IFT122: variants seen among roughly 807,000 people sequenced by gnomAD.
IFT122 encodes the protein intraflagellar transport protein 122 homolog.
IFT122 carries 118 observed loss-of-function variants against 161.6 expected under a neutral mutation model. The observed-to-expected ratio is 0.73, with a 90% confidence interval of 0.63 to 0.85. The LOEUF (loss-of-function observed/expected upper bound fraction) is 0.85, where lower values mean the gene tolerates loss of function less well. Ranked by LOEUF, IFT122 falls within the 40% of genes least tolerant of loss-of-function variation. The pLI, the probability that IFT122 is intolerant of heterozygous loss-of-function variation, is 0.00. For missense variants in IFT122, 1,381 were observed against 1,579.6 expected (o/e 0.87, Z 2.13); for synonymous variants, 550 against 602.4 (o/e 0.91, Z 1.27).
At chr3:129,462,397 C>T (rs777392475) in intron 5 of IFT122, among the ~76,000 whole-genome samples, 25 of 152,214 alleles carry the variant, frequency 1.6e-4, no homozygotes, top group Admixed American at 1.5e-3. Flanking sequence ...AGCTTTATGA[C>T]AGCCCCTGAG....
intron 16 of IFT122, among the ~76,000 whole-genome samples, chr3:129,489,463 G>C (rs1458477192): frequency 6.6e-6 from 1 of 152,186 alleles, no homozygotes; most frequent in African/African-American, 2.4e-5. Flanking sequence ...AACAAGGGAA[G>C]TGATCGTTGT....
intron 24 of IFT122, chr3:129,512,647 G>GTCTC: frequency 6.9e-6 from 4 of 577,110 alleles, no homozygotes; most frequent in Non-Finnish European, 9.3e-6. Context: ...CCAGCAGTGG[G>GTCTC]TCTCTGGCCA....
intron 1 of IFT122, among the ~76,000 whole-genome samples, chr3:129,448,210 T>C (rs2074276151): frequency 6.6e-6 from 1 of 152,164 alleles, no homozygotes. Flanking sequence ...TCAACAGCAA[T>C]GGAAAACTAG....
At chr3:129,483,329 T>A (rs1328563144) in intron 14 of IFT122, among the ~76,000 whole-genome samples, 156 bp from the exon 15 acceptor site, 2 of 152,106 alleles carry the variant, frequency 1.3e-5, no homozygotes, top group Non-Finnish European at 2.9e-5. Context: ...TTGCCTCTGT[T>A]CATTTCTTTG....
chr3:129,463,388 G>A, intron 5 of IFT122, 172 bp from the exon 6 acceptor site: 1 of 601,176 alleles, frequency 1.7e-6, no homozygotes, highest in Non-Finnish European at 3.0e-6. Flanking sequence ...ATTCAAGAAT[G>A]TTATATAAAT....
At chr3:129,456,445 T>C (rs1431829068) in intron 3 of IFT122, among the ~76,000 whole-genome samples, 1 of 152,146 alleles carries the variant, frequency 6.6e-6, no homozygotes, top group Admixed American at 6.5e-5. Flanking sequence ...GAGACAAGCC[T>C]GGCCAACACA....
chr3:129,486,763 A>G (rs1345300144), intron 15 of IFT122, among the ~76,000 whole-genome samples: 1 of 152,236 alleles, frequency 6.6e-6, no homozygotes, highest in African/African-American at 2.4e-5. Context: ...TTTTTGGAGC[A>G]CATCTCTCCT....
intron 1 of IFT122, among the ~76,000 whole-genome samples, chr3:129,449,469 T>A (rs2074476313): frequency 6.6e-6 from 1 of 152,264 alleles, no homozygotes; most frequent in South Asian, 2.1e-4. Context: ...GGAGGGATTA[T>A]GATCTGTTCA....
intron 3 of IFT122, chr3:129,456,036 A>G (rs748721420): frequency 4.5e-5 from 20 of 449,372 alleles, no homozygotes; most frequent in Non-Finnish European, 8.5e-5. Context: ...AACTGTATGT[A>G]CACATGTACA....
In IFT122 at chr3:129,507,579, T is replaced by G. The variant is rs944956229; in HGVS notation, c.2792-89T>G. The G allele has an allele frequency of 1.0e-5, 10 of 962,236 alleles. No homozygotes were observed. In the African/African-American group the frequency reaches 1.6e-4, roughly 15 times the overall value. The allele number at this position is 962,236 out of a possible 1,614,324, so 59.6% of individuals were successfully genotyped here. On this transcript the variant is annotated intron_variant, in intron 22 of 29. Transcript: ENST00000348417. ...GTGGGAGAACTGATGCTGGGAAAAG[T>G]ACTGTTGCCTGGCCCCTCCTCCTGG...
chr3:129,467,313 C>T (rs2076914747), intron 8 of IFT122, among the ~76,000 whole-genome samples: 1 of 152,152 alleles, frequency 6.6e-6, no homozygotes, highest in Non-Finnish European at 1.5e-5. Context: ...CTGATAAAAC[C>T]CCATCCCCTG....
intron 1 of IFT122, among the ~76,000 whole-genome samples, chr3:129,449,160 C>T (rs995663701): frequency 2.6e-5 from 4 of 152,180 alleles, no homozygotes; most frequent in Non-Finnish European, 4.4e-5. Flanking sequence ...TGTATCACTG[C>T]GTCTTCCTCC....
At chr3:129,457,017 A>G (rs577123479) in intron 3 of IFT122, among the ~76,000 whole-genome samples, 14 of 152,234 alleles carry the variant, frequency 9.2e-5, no homozygotes, top group Non-Finnish European at 1.9e-4. Context: ...ATTGAGGCTC[A>G]GAGAACAGTG....
chr3:129,460,892 C>T, intron 4 of IFT122: 3 of 1,614,106 alleles, frequency 1.9e-6, no homozygotes, highest in Non-Finnish European at 2.5e-6. Flanking sequence ...CTCCATCTTC[C>T]ATTTCTGGGC....
In IFT122 at chr3:129,516,285, T is replaced by A. The variant is rs1337325735; in HGVS notation, c.3265+686T>A. On this transcript the variant is annotated intron_variant, in intron 26 of 29. Transcript: ENST00000348417. The stretch of plus-strand genomic sequence containing the variant: ...CCCCTACACACACACAGATTGCTCC[T>A]GCACACACACACACACACACACAGA... Among the ~76,000 whole-genome samples the A allele has an allele frequency of 1.4e-4, 11 of 81,388 alleles. No homozygotes were observed. The Admixed American group carries it at 1.5e-3, about 11-fold the overall frequency. 53.4% of individuals were successfully genotyped at this position (81,388 alleles called of 152,430 possible). A position where few individuals can be genotyped will look rare whatever the true frequency, so the allele number is the denominator to read the frequency against.
At chr3:129,485,564 C>T (rs542550743) in intron 15 of IFT122, among the ~76,000 whole-genome samples, 15 of 152,362 alleles carry the variant, frequency 9.8e-5, no homozygotes, top group Non-Finnish European at 1.8e-4. Flanking sequence ...TCCTTGTCTG[C>T]CCCATTACAA....
chr3:129,480,548 A>T (rs917224033), intron 13 of IFT122, among the ~76,000 whole-genome samples: 1 of 152,230 alleles, frequency 6.6e-6, no homozygotes, highest in African/African-American at 2.4e-5. Context: ...TGTGCAGCAG[A>T]TGGCTTATGG....
At chr3:129,493,413 C>T (rs913481085) in intron 17 of IFT122, among the ~76,000 whole-genome samples, 1 of 152,230 alleles carries the variant, frequency 6.6e-6, no homozygotes, top group Non-Finnish European at 1.5e-5. Context: ...ACGTAATCTG[C>T]TCTGTGCCAC....
At chr3:129,449,524 G>A (rs1019869099) in intron 1 of IFT122, among the ~76,000 whole-genome samples, 1 of 152,214 alleles carries the variant, frequency 6.6e-6, no homozygotes, top group Non-Finnish European at 1.5e-5. Flanking sequence ...GTAAGTATCT[G>A]TGGATTTACT....
Sources: gnomAD v4.1 joint callset for allele counts (sites outside exome capture counted in the v4.1 genomes callset) on GRCh38, gnomAD v4.1.1 for gene constraint, MANE v1.5 for transcripts, NCBI Gene and HGNC (gene_info 2026-07-23, HGNC 2026-07-21) for gene names.